The following MBLAC2 variants were observed in gnomAD, a reference collection of about 807,000 sequenced individuals.
MBLAC2 encodes metallo-beta-lactamase domain containing 2.
MBLAC2 carries 24 observed loss-of-function variants against 23.3 expected under a neutral mutation model. The ratio of observed to expected loss-of-function variants is 1.03; its 90% CI spans 0.75 to 1.45. The LOEUF (loss-of-function observed/expected upper bound fraction) is 1.45. MBLAC2 is among the 40% of genes most tolerant of loss of function. The pLI is 0.00. For missense variants in MBLAC2, 358 were observed against 370.0 expected, an observed-to-expected ratio of 0.97 and a Z score of 0.27; for synonymous variants, 162 against 150.9, an observed-to-expected ratio of 1.07 and a Z score of -0.54.
rs1750304386 is a variant in MBLAC2, at chr5:90,458,596, ATCATT to A, written c.*2566_*2570del. On this transcript the variant is annotated 3_prime_UTR_variant, in exon 2 of 2. Transcript: ENST00000316610. Reference sequence around the variant, plus strand: ...AGATATGTTATTATTATGCTTTAACATCATTTCATTTATTCTTGGCACACACGGCA... The same window carrying A: ...AGATATGTTATTATTATGCTTTAACATCATTTATTCTTGGCACACACGGCA... 1 of 152,222 alleles carries A rather than the reference ATCATT, an allele frequency of 6.6e-6. No homozygotes were observed. 9.4% of individuals were successfully genotyped at this position (152,222 alleles called of 1,614,324 possible). A position where few individuals can be genotyped will look rare whatever the true frequency, so the allele number is the denominator to read the frequency against.
Position 90,461,129 on chromosome 5 carries a change from T to G in MBLAC2, c.*38A>C. ...AGTTAAATAGCACAGAATGAATTAA[T>G]GTATATAATTAATCAAAATATATTA... On this transcript the variant is annotated 3_prime_UTR_variant, in exon 2 of 2. Transcript: ENST00000316610. 7.0e-7 allele frequency: 1 copy of G among 1,430,418 alleles called. No homozygotes were observed. The highest frequency in any genetic ancestry group is 9.3e-7 in the Non-Finnish European group (1 of 1,073,580). 88.6% of individuals were successfully genotyped at this position (1,430,418 alleles called of 1,614,324 possible). A position where few individuals can be genotyped will look rare whatever the true frequency, so the allele number is the denominator to read the frequency against.
At chr5:90,463,678 C>A (rs1750402292) in intron 1 of MBLAC2, among the ~76,000 whole-genome samples, 1 of 151,856 alleles carries the variant, frequency 6.6e-6, no homozygotes, top group African/African-American at 2.4e-5. Flanking sequence ...AATTACTATC[C>A]TAAGAAGTTA....
rs1282971826 is a variant in MBLAC2, at chr5:90,460,706, T to C, written c.*461A>G. 6.5e-6 allele frequency: 1 copy of C among 152,834 alleles called. No individual in the cohort carries two copies. The highest frequency in any genetic ancestry group is 1.5e-5 in the Non-Finnish European group (1 of 68,478). The allele number at this position is 152,834 out of a possible 1,614,324, so 9.5% of individuals were successfully genotyped here. Reference sequence around the variant, plus strand: ...TTTTAGTTGTCATTCTCAATGTTACTTTATATGTCTGCATTAAGTTCTAAT... The same window carrying C: ...TTTTAGTTGTCATTCTCAATGTTACCTTATATGTCTGCATTAAGTTCTAAT... On this transcript the variant is annotated 3_prime_UTR_variant, in exon 2 of 2. Transcript: ENST00000316610.
chr5:90,458,912 G>GA lies in MBLAC2; in HGVS notation c.*2254dup, dbSNP rs1750310125. ...ATGTTGTGGTACAATTTGAAAAACT[G>GA]AAAAAATTGGGAAATTAAAAAATAA... On this transcript the variant is annotated 3_prime_UTR_variant, in exon 2 of 2. Transcript: ENST00000316610. 1 of 152,396 alleles carries GA rather than the reference G, an allele frequency of 6.6e-6. No homozygotes were observed. The highest frequency in any genetic ancestry group is 1.5e-5 in the Non-Finnish European group (1 of 67,944). 9.4% of individuals were successfully genotyped at this position (152,396 alleles called of 1,614,324 possible). A position where few individuals can be genotyped will look rare whatever the true frequency, so the allele number is the denominator to read the frequency against.
intron 1 of MBLAC2, among the ~76,000 whole-genome samples, chr5:90,468,495 T>C (rs1750488733): frequency 6.6e-6 from 1 of 152,108 alleles, no homozygotes; most frequent in Non-Finnish European, 1.5e-5. Context: ...TTGCTGAGAC[T>C]TTCCAGTGCA....
At chr5:90,471,320 G>T (rs1051740382) in intron 1 of MBLAC2, among the ~76,000 whole-genome samples, 2 of 152,146 alleles carry the variant, frequency 1.3e-5, no homozygotes, top group East Asian at 1.9e-4. Context: ...TGGGCATATG[G>T]TTTAAACATG....
At chr5:90,461,583 C>G (rs1355129586) in intron 1 of MBLAC2, 31 bp from the exon 2 acceptor site, 10 of 1,575,272 alleles carry the variant, frequency 6.3e-6, no homozygotes, top group Admixed American at 3.6e-5. Context: ...TACAGATAAA[C>G]ATGTTGTATA....
At chr5:90,471,999 A>C (rs1355103330) in intron 1 of MBLAC2, 2 of 152,170 alleles carry the variant, frequency 1.3e-5, no homozygotes, top group East Asian at 3.8e-4. Context: ...GGCCCCTTTC[A>C]GCTCCAAAAA....
At position 90,461,227 on chromosome 5, in the gene MBLAC2, A is replaced by G. The variant is rs35408393; in HGVS notation, c.780T>C (p.Phe260=). 6.7e-3 allele frequency: 10,830 copies of G among 1,613,808 alleles called. 50 individuals carry two copies. Among genetic ancestry groups the G allele is most frequent in the Non-Finnish European group, 8.0e-3 (9,418 of 1,179,898 alleles). Residue 260 remains phenylalanine, a synonymous_variant, in exon 2 of 2, where the codon TTT becomes TTC. Transcript: ENST00000316610. ...CTAAACTTGCAAGAGATCGCATGGC[A>G]AAAGTAGAAACTTTGTGACATATCC... ...KAGICHKVST[F]AMRSLASLAL...
At chr5:90,461,641 A>C in intron 1 of MBLAC2, 89 bp from the exon 2 acceptor site, 1 of 1,232,668 alleles carries the variant, frequency 8.1e-7, no homozygotes, top group Non-Finnish European at 1.1e-6. Flanking sequence ...GCTTCCAAAG[A>C]AATTGGGAAG....
intron 1 of MBLAC2, chr5:90,473,567 G>GA: frequency 3.1e-6 from 2 of 646,654 alleles, no homozygotes; most frequent in South Asian, 3.4e-5. Flanking sequence ...GCCGATGCAG[G>GA]AAAGTGGCTA....
chr5:90,474,367 C>T lies in MBLAC2; in HGVS notation c.-75G>A. On this transcript the variant is annotated 5_prime_UTR_variant, in exon 1 of 2. In the 5' UTR this introduces an upstream ATG that the reference lacks. Coordinates refer to ENST00000316610, the MANE Select transcript of MBLAC2 (RefSeq NM_203406.2). Reference sequence around the variant, plus strand: ...CCACAGGCTGTCCACACACAGGGCACTGCGGCTGTGTGAAGCGGTCTGCCT... The same window carrying T: ...CCACAGGCTGTCCACACACAGGGCATTGCGGCTGTGTGAAGCGGTCTGCCT... 7.3e-7 allele frequency: 1 copy of T among 1,373,854 alleles called. No homozygotes were observed. The highest frequency in any genetic ancestry group is 1.0e-6 in the Non-Finnish European group (1 of 979,078). 85.1% of individuals were successfully genotyped at this position (1,373,854 alleles called of 1,614,324 possible). A position where few individuals can be genotyped will look rare whatever the true frequency, so the allele number is the denominator to read the frequency against.
At chr5:90,468,515 T>C (rs552714681) in intron 1 of MBLAC2, among the ~76,000 whole-genome samples, 1 of 152,252 alleles carries the variant, frequency 6.6e-6, no homozygotes, top group South Asian at 2.1e-4. Flanking sequence ...ATTTTGAATT[T>C]CTCTAAATAT....
intron 1 of MBLAC2, among the ~76,000 whole-genome samples, chr5:90,467,486 G>C (rs1453113474): frequency 6.6e-6 from 1 of 152,036 alleles, no homozygotes; most frequent in Non-Finnish European, 1.5e-5. Context: ...TGTTTTGTGT[G>C]ATATAAGCCT....
rs1205003541 is a variant in MBLAC2 at position 90,459,084 on chromosome 5, T to C, written c.*2083A>G. 1 of 152,580 alleles carries C rather than the reference T, an allele frequency of 6.6e-6. No homozygotes were observed. The allele number at this position is 152,580 out of a possible 1,614,324, so 9.5% of individuals were successfully genotyped here. ...AAAATGGTCAGTGGTTAAGGACTTT[T>C]GGTTTTCCTTTGTGCTATTGATATA... On this transcript the variant is annotated 3_prime_UTR_variant, in exon 2 of 2. Transcript: ENST00000316610.
At chr5:90,467,660 G>A (rs888659612) in intron 1 of MBLAC2, among the ~76,000 whole-genome samples, 1 of 150,476 alleles carries the variant, frequency 6.6e-6, no homozygotes, top group Admixed American at 6.6e-5. Flanking sequence ...GGAGCATTTA[G>A]GCCATTTACA....
At chr5:90,467,521 T>C (rs1041838950) in intron 1 of MBLAC2, among the ~76,000 whole-genome samples, 2 of 152,216 alleles carry the variant, frequency 1.3e-5, no homozygotes, top group Non-Finnish European at 1.5e-5. Flanking sequence ...TCCATATGCA[T>C]GGAAAATCTT....
chr5:90,471,182 G>C (rs1004829670), intron 1 of MBLAC2, among the ~76,000 whole-genome samples: 7 of 152,192 alleles, frequency 4.6e-5, no homozygotes, highest in African/African-American at 1.7e-4. Flanking sequence ...CAGTTCAACA[G>C]TGCTTCGGAA....
chr5:90,460,097 T>G lies in MBLAC2; in HGVS notation c.*1070A>C, dbSNP rs1184567005. 7 of 152,668 alleles carry G rather than the reference T, an allele frequency of 4.6e-5. No individual in the cohort carries two copies. The highest frequency in any genetic ancestry group is 1.5e-5 in the Non-Finnish European group (1 of 67,972). The allele number at this position is 152,668 out of a possible 1,614,324, so 9.5% of individuals were successfully genotyped here. On this transcript the variant is annotated 3_prime_UTR_variant, in exon 2 of 2. Transcript: ENST00000316610. The stretch of plus-strand genomic sequence containing the variant: ...TTTATATGACTTTACGAACATAGAC[T>G]TCTCTATTCAAGACAAAGAATACTG...
Sources: allele counts gnomAD v4.1 joint callset (sites outside exome capture counted in the v4.1 genomes callset), GRCh38; gene constraint gnomAD v4.1.1; transcripts MANE v1.5; gene names NCBI Gene and HGNC (gene_info 2026-07-23, HGNC 2026-07-21).